Variants in GSE1 observed in about 807,000 individuals in gnomAD.
GSE1 encodes the protein genetic suppressor element 1.
A neutral mutation model predicts 112.6 loss-of-function variants in GSE1; 32 were observed. That is an observed-to-expected ratio of 0.28 (90% CI 0.21 to 0.38). The LOEUF (loss-of-function observed/expected upper bound fraction) is 0.38, where lower values mean the gene tolerates loss of function less well. GSE1 is among the 10% of genes least tolerant of loss of function. GSE1 has a pLI of 1.00. For synonymous variants in GSE1, 1,115 were observed against 735.6 expected (o/e 1.52, Z -8.35); for missense variants, 2,348 against 1,699.2 (o/e 1.38, Z -6.71).
chr16:85,446,089 C>T (rs1202474127), intron 2 of GSE1, among the ~76,000 whole-genome samples: 1 of 152,208 alleles, frequency 6.6e-6, no homozygotes, highest in Non-Finnish European at 1.5e-5. Flanking sequence ...GCGCCATGAG[C>T]AGCCTGATTG....
rs1390211026 is a variant in GSE1, at chr16:85,376,927, G to A, written c.2464+19284G>A. 5.3e-5 allele frequency among the ~76,000 whole-genome samples: 8 copies of A among 152,342 alleles called. No homozygotes were observed. In the East Asian group the frequency reaches 1.2e-3, roughly 22 times the overall value. On this transcript the variant is annotated intron_variant, in intron 2 of 2. Transcript: ENST00000637419. ...CCGCACACCCGGCCCCGCGTTACCCGACGGCCCCTCCTGTTGTGCAGGTTG... is the reference window on the plus strand; with the variant it reads ...CCGCACACCCGGCCCCGCGTTACCCAACGGCCCCTCCTGTTGTGCAGGTTG...
chr16:85,669,727 G>C (rs2053172776), intron 14 of GSE1, among the ~76,000 whole-genome samples: 2 of 152,142 alleles, frequency 1.3e-5, no homozygotes, highest in South Asian at 2.1e-4. Context: ...ATTTTCTTCT[G>C]TGAGTTTGGC....
At chr16:85,614,639 C>T (rs1395023302) in intron 1 of GSE1, among the ~76,000 whole-genome samples, 2 of 152,104 alleles carry the variant, frequency 1.3e-5, no homozygotes, top group East Asian at 1.9e-4. Flanking sequence ...AGCGTGCTGG[C>T]GGTGGGGGAG....
intron 2 of GSE1, among the ~76,000 whole-genome samples, chr16:85,387,612 C>A (rs1440275177): frequency 6.6e-6 from 1 of 152,252 alleles, no homozygotes; most frequent in Non-Finnish European, 1.5e-5. Flanking sequence ...CCTTGGGTTG[C>A]TTTCTTCCTC....
intron 2 of GSE1, among the ~76,000 whole-genome samples, chr16:85,370,622 T>G (rs1182020475): frequency 2.0e-5 from 3 of 149,732 alleles, no homozygotes; most frequent in African/African-American, 7.4e-5. Context: ...CTTCTCTCCC[T>G]CCCTCCTTCT....
chr16:85,516,875 G>T (rs565376712), intron 2 of GSE1, among the ~76,000 whole-genome samples: 3 of 147,096 alleles, frequency 2.0e-5, no homozygotes, highest in Non-Finnish European at 3.0e-5. Flanking sequence ...TCCACTTACT[G>T]CAAGCTCCGC....
chr16:85,508,495 G>A (rs1401964252), intron 2 of GSE1, among the ~76,000 whole-genome samples: 4 of 152,210 alleles, frequency 2.6e-5, no homozygotes, highest in African/African-American at 4.8e-5. Context: ...GCCATGGAGG[G>A]TAGGGAGCCA....
intron 1 of GSE1, among the ~76,000 whole-genome samples, chr16:85,322,545 C>T (rs901526242): frequency 3.3e-5 from 5 of 151,586 alleles, no homozygotes; most frequent in Admixed American, 1.3e-4. Context: ...ACCTCTCTGC[C>T]GTGCTCTAGG....
At chr16:85,413,416 C>G in intron 2 of GSE1, among the ~76,000 whole-genome samples, 1 of 152,024 alleles carries the variant, frequency 6.6e-6, no homozygotes, top group South Asian at 2.1e-4. Flanking sequence ...CCAGCTGTGA[C>G]CCCCAAGCAT....
chr16:85,519,726 C>T (rs1326361424), intron 2 of GSE1, among the ~76,000 whole-genome samples: 1 of 75,502 alleles, frequency 1.3e-5, no homozygotes, highest in South Asian at 4.0e-4. Context: ...TCATCATCAC[C>T]ATCACCATCA....
chr16:85,590,682 T>G (rs964618483), intron 1 of GSE1, among the ~76,000 whole-genome samples: 1 of 152,130 alleles, frequency 6.6e-6, no homozygotes, highest in African/African-American at 2.4e-5. Context: ...GTGAATGTGT[T>G]TGAGACAGCG....
At chr16:85,492,417 C>G (rs114791819) in intron 2 of GSE1, among the ~76,000 whole-genome samples, 1,582 of 152,292 alleles carry the variant, frequency 0.01, 22 homozygotes, top group African/African-American at 0.036. Flanking sequence ...GGAATTCTTT[C>G]CCTGGAATTC....
rs532343368 is a variant in GSE1 at position 85,409,706 on chromosome 16, G to GC, written c.2464+52068dup. Among the ~76,000 whole-genome samples the GC allele has an allele frequency of 2.2e-3, 6 of 2,776 alleles. 1 individual carries two copies. Among genetic ancestry groups the GC allele is most frequent in the Admixed American group, 0.016 (2 of 122 alleles). The allele number at this position is 2,776 out of a possible 152,430, so 1.8% of individuals were successfully genotyped here. A position where few individuals can be genotyped will look rare whatever the true frequency, so the allele number is the denominator to read the frequency against. On this transcript the variant is annotated intron_variant, in intron 2 of 2. Coordinates refer to the GSE1 transcript ENST00000637419. ...GATAATCCTCACCGTTACACTCAGG[G>GC]CCCCCTGGATAATCCTCACTGTTAC...
intron 1 of GSE1, among the ~76,000 whole-genome samples, chr16:85,303,137 T>C (rs1462727582): frequency 6.6e-6 from 1 of 152,192 alleles, no homozygotes; most frequent in African/African-American, 2.4e-5. Context: ...CCTCTGGCCG[T>C]TGTTGCCCAG....
chr16:85,355,981 C>T (rs2046943790), intron 1 of GSE1, among the ~76,000 whole-genome samples: 1 of 152,106 alleles, frequency 6.6e-6, no homozygotes, highest in South Asian at 2.1e-4. Flanking sequence ...GAGCTGAGAT[C>T]ACAACACTGC....
intron 1 of GSE1, among the ~76,000 whole-genome samples, chr16:85,570,591 T>C (rs974133097): frequency 3.3e-5 from 5 of 152,206 alleles, no homozygotes; most frequent in Non-Finnish European, 5.9e-5. Flanking sequence ...GTTCTAGGGC[T>C]CTCGGAGAGA....
intron 2 of GSE1, among the ~76,000 whole-genome samples, chr16:85,510,092 C>T (rs1425264107): frequency 1.3e-5 from 2 of 152,206 alleles, no homozygotes; most frequent in African/African-American, 4.8e-5. Flanking sequence ...ACCCCCATGC[C>T]GCCACCATCA....
At chr16:85,599,051 C>T (rs764450234) in intron 1 of GSE1, among the ~76,000 whole-genome samples, 2 of 152,208 alleles carry the variant, frequency 1.3e-5, no homozygotes, top group Non-Finnish European at 2.9e-5. Flanking sequence ...GAGACGTCTT[C>T]GGGTAAGGCC....
At chr16:85,577,629 C>T (rs544963649) in intron 1 of GSE1, among the ~76,000 whole-genome samples, 129 of 152,280 alleles carry the variant, frequency 8.5e-4, no homozygotes, top group African/African-American at 3.0e-3. Flanking sequence ...CAGTCACCTG[C>T]CCAGGGTGAG....
Sources: allele counts gnomAD v4.1 joint callset (sites outside exome capture counted in the v4.1 genomes callset), GRCh38; gene constraint gnomAD v4.1.1; transcripts MANE v1.5; gene names NCBI Gene and HGNC (gene_info 2026-07-23, HGNC 2026-07-21).